Variants in TPO observed in about 807,000 individuals in gnomAD.
The protein encoded by TPO is thyroid microsomal antigen.
In TPO, 78 loss-of-function variants were observed where a neutral mutation model predicts 96.9. The ratio of observed to expected loss-of-function variants is 0.81; its 90% confidence interval spans 0.67 to 0.97. The LOEUF is 0.97. Ranked by LOEUF, TPO falls within the 50% of genes least tolerant of loss-of-function variation. TPO has a pLI of 0.00. For missense variants in TPO, 1,252 were observed against 1,274.8 expected (o/e 0.98, Z 0.27); for synonymous variants, 547 against 538.0 (o/e 1.02, Z -0.23).
At chr2:1,511,709 A>C (rs1220218567) in intron 14 of TPO, among the ~76,000 whole-genome samples, 1 of 152,146 alleles carries the variant, frequency 6.6e-6, no homozygotes, top group Non-Finnish European at 1.5e-5. Context: ...TCCTCATCTC[A>C]TAAGGACATA....
At chr2:1,383,411 C>T (rs939249937) in intron 1 of TPO, among the ~76,000 whole-genome samples, 13 of 152,260 alleles carry the variant, frequency 8.5e-5, no homozygotes, top group East Asian at 3.9e-4. Context: ...ATTTAATGAT[C>T]GCCATTTTAA....
chr2:1,519,233 T>TC (rs1408901353), intron 15 of TPO, among the ~76,000 whole-genome samples: 2 of 152,190 alleles, frequency 1.3e-5, no homozygotes, highest in Non-Finnish European at 2.9e-5. Flanking sequence ...CCAGAAAACT[T>TC]AATGAAGTGC....
intron 7 of TPO, among the ~76,000 whole-genome samples, chr2:1,458,258 G>A (rs1219350548): frequency 6.6e-6 from 1 of 151,572 alleles, no homozygotes; most frequent in East Asian, 1.9e-4. Context: ...ATAAGATAGT[G>A]TGTGGGCACG....
intron 8 of TPO, chr2:1,477,819 T>C: frequency 2.0e-6 from 2 of 985,416 alleles, no homozygotes; most frequent in Non-Finnish European, 2.4e-6. Flanking sequence ...TGAGCTCCTG[T>C]GCAGGGGCCG....
rs143374980 is a variant in TPO at position 1,408,303 on chromosome 2, A to C, written n.180+33901A>C. On this transcript the variant is annotated intron_variant and non_coding_transcript_variant, in intron 1 of 5. Coordinates refer to the TPO transcript ENST00000497517. ...CCGAAATCAGAGCTCTCAGGTCACTACTGGAATCAGCTCCTCTCCCTGTGA... is the reference window on the plus strand; with the variant it reads ...CCGAAATCAGAGCTCTCAGGTCACTCCTGGAATCAGCTCCTCTCCCTGTGA... Among the ~76,000 whole-genome samples, 95 of 152,300 alleles carry C rather than the reference A, an allele frequency of 6.2e-4. 1 individual carries two copies. The East Asian group carries it at 0.017, about 27-fold the overall frequency.
At chr2:1,537,328 C>G (rs1445666643) in intron 15 of TPO, among the ~76,000 whole-genome samples, 1 of 118,034 alleles carries the variant, frequency 8.5e-6, no homozygotes, top group Non-Finnish European at 1.7e-5. Flanking sequence ...TCTGTCCAAC[C>G]TCCCCAAATC....
chr2:1,454,895 C>T (rs6588670), intron 6 of TPO, among the ~76,000 whole-genome samples: 83,269 of 152,114 alleles, frequency 0.55, 23,026 homozygotes, highest in East Asian at 0.77. Flanking sequence ...ACAAATTGCT[C>T]CAAATTTAGT....
chr2:1,454,638 C>T (rs1253757440), intron 6 of TPO, among the ~76,000 whole-genome samples: 1 of 152,192 alleles, frequency 6.6e-6, no homozygotes, highest in African/African-American at 2.4e-5. Context: ...GCTCTGCTCC[C>T]ACTGGCTTCC....
chr2:1,487,745 A>C, intron 9 of TPO, 76 bp from the exon 10 acceptor site: 1 of 1,591,872 alleles, frequency 6.3e-7, no homozygotes, highest in Non-Finnish European at 8.6e-7. Context: ...TCTCAAAAAA[A>C]AAAAAAATTG....
intron 4 of TPO, among the ~76,000 whole-genome samples, chr2:1,435,482 CT>C (rs369644047): frequency 1.6e-3 from 248 of 152,066 alleles, no homozygotes; most frequent in Middle Eastern, 6.8e-3. Flanking sequence ...TCCTTCCTGG[CT>C]TTTTTTTCTT....
At chr2:1,466,846 A>G (rs747960454) in intron 7 of TPO, among the ~76,000 whole-genome samples, 1 of 151,910 alleles carries the variant, frequency 6.6e-6, no homozygotes, top group Non-Finnish European at 1.5e-5. Flanking sequence ...TGTTTCATTT[A>G]TCTTTTGTAT....
intron 1 of TPO, among the ~76,000 whole-genome samples, chr2:1,405,080 C>T (rs1468446257): frequency 8.2e-6 from 1 of 122,002 alleles, no homozygotes; most frequent in Middle Eastern, 5.6e-3. Flanking sequence ...ATCGAGTCAT[C>T]CATCGGCCCA....
chr2:1,431,654 C>G (rs1664988486), intron 3 of TPO, among the ~76,000 whole-genome samples: 1 of 152,172 alleles, frequency 6.6e-6, no homozygotes, highest in Admixed American at 6.5e-5. Flanking sequence ...TAAAATCTCT[C>G]TTAGCACATT....
intron 8 of TPO, among the ~76,000 whole-genome samples, chr2:1,480,795 T>TCCTCCTGCATCCGTCCACACCACCTC (rs1670531560): frequency 7.0e-4 from 52 of 73,974 alleles, no homozygotes; most frequent in South Asian, 1.2e-3. Context: ...CACACCACCT[T>TCCTCCTGCATCCGTCCACACCACCTC]CCTCCTGCTG....
At chr2:1,488,635 G>A (rs976623185) in intron 10 of TPO, among the ~76,000 whole-genome samples, 2 of 152,160 alleles carry the variant, frequency 1.3e-5, no homozygotes, top group Non-Finnish European at 2.9e-5. Flanking sequence ...TGCAGCACCT[G>A]TCTAGGCCCG....
intron 8 of TPO, among the ~76,000 whole-genome samples, chr2:1,482,736 A>G (rs373218637): frequency 2.6e-5 from 4 of 152,322 alleles, no homozygotes; most frequent in South Asian, 2.1e-4. Context: ...GTGCGGTGGT[A>G]CAATCATAGC....
chr2:1,443,053 A>G (rs1197369579), intron 5 of TPO, among the ~76,000 whole-genome samples: 1 of 152,218 alleles, frequency 6.6e-6, no homozygotes, highest in African/African-American at 2.4e-5. Context: ...CTGGGCAACA[A>G]AGCAATACCT....
intron 10 of TPO, among the ~76,000 whole-genome samples, chr2:1,490,937 C>T (rs1353003856): frequency 3.3e-5 from 5 of 152,042 alleles, no homozygotes; most frequent in African/African-American, 4.8e-5. Flanking sequence ...TTTGGGAGGC[C>T]GAGGCGGGCA....
intron 14 of TPO, among the ~76,000 whole-genome samples, chr2:1,505,722 T>C (rs1032790631): frequency 2.0e-5 from 3 of 151,818 alleles, no homozygotes; most frequent in African/African-American, 4.8e-5. Flanking sequence ...ATCCTCTAAG[T>C]TCCTCCCCTC....
Sources: allele counts gnomAD v4.1 joint callset (sites outside exome capture counted in the v4.1 genomes callset), GRCh38; gene constraint gnomAD v4.1.1; transcripts MANE v1.5; gene names NCBI Gene and HGNC (gene_info 2026-07-23, HGNC 2026-07-21).